TEX9: variants seen among roughly 807,000 people sequenced by gnomAD.
TEX9 encodes the protein testis-expressed protein 9.
In TEX9, 74 loss-of-function variants were observed where a neutral mutation model predicts 59.6. That is an observed-to-expected ratio of 1.24 (90% confidence interval 1.03 to 1.51). The LOEUF (loss-of-function observed/expected upper bound fraction) is 1.51. Ranked by LOEUF, TEX9 falls within the 40% of genes most tolerant of loss-of-function variation. TEX9 has a pLI of 0.00. For synonymous variants in TEX9, 186 were observed against 152.2 expected (o/e 1.22, Z -1.64); for missense variants, 522 against 447.8 (o/e 1.17, Z -1.49).
At chr15:56,450,183 C>T (rs570190447), downstream of TEX9, among the ~76,000 whole-genome samples, 222 of 152,224 alleles carry the variant, frequency 1.5e-3, 2 homozygotes, top group Non-Finnish European at 2.3e-3. Flanking sequence ...AAGACCTACC[C>T]TTGAGGAACA....
intron 1 of TEX9, among the ~76,000 whole-genome samples, chr15:56,349,590 C>T (rs1454522157): frequency 6.6e-6 from 1 of 152,134 alleles, no homozygotes; most frequent in Non-Finnish European, 1.5e-5. Context: ...AGGAAACCCA[C>T]ACCCTGCTAT....
intron 1 of TEX9, among the ~76,000 whole-genome samples, chr15:56,291,548 A>G (rs1369472925): frequency 6.6e-6 from 1 of 152,198 alleles, no homozygotes; most frequent in Non-Finnish European, 1.5e-5. Context: ...TCACATACTT[A>G]TCATTTCTTT....
chr15:56,274,526 C>T (rs2044624191), intron 1 of TEX9: 1 of 152,118 alleles, frequency 6.6e-6, no homozygotes, highest in African/African-American at 2.4e-5. Flanking sequence ...GTCTCTTTCT[C>T]TCTTTTTTAA....
chr15:56,291,198 A>G lies in TEX9; in HGVS notation c.-107+46920A>G, dbSNP rs148170469. Among the ~76,000 whole-genome samples the G allele has an allele frequency of 5.2e-3, 797 of 152,340 alleles. 8 individuals carry two copies. Among genetic ancestry groups the G allele is most frequent in the African/African-American group, 0.018 (752 of 41,574 alleles). On this transcript the variant is annotated intron_variant, in intron 1 of 5. Coordinates refer to the TEX9 transcript ENST00000560827. ...TAGATTGAGACCCTTTTCTAAATAC[A>G]TATGTGAAAGATCTAGGTCAGAGAT...
chr15:56,385,342 C>G (rs549171065), intron 4 of TEX9, among the ~76,000 whole-genome samples: 3 of 152,196 alleles, frequency 2.0e-5, no homozygotes, highest in South Asian at 2.1e-4. Flanking sequence ...AAAAGCCTAT[C>G]AAAATTCAAC....
the TEX9 span, chr15:56,456,402 TCTTA>T: frequency 1.9e-6 from 3 of 1,605,542 alleles, no homozygotes; most frequent in Admixed American, 3.5e-5. Flanking sequence ...ACCTGTTTTC[TCTTA>T]CTTGTTGCCT....
chr15:56,251,609 C>T (rs2044019653), intron 1 of TEX9, among the ~76,000 whole-genome samples: 2 of 151,942 alleles, frequency 1.3e-5, no homozygotes, highest in Admixed American at 6.6e-5. Flanking sequence ...AGAAAGCTAA[C>T]CTCAGAAACC....
intron 10 of TEX9, among the ~76,000 whole-genome samples, chr15:56,417,082 T>C (rs1481161365): frequency 6.6e-6 from 1 of 151,680 alleles, no homozygotes; most frequent in Non-Finnish European, 1.5e-5. Context: ...TTGTGTTTAT[T>C]TGAATCTTCA....
At chr15:56,395,857 A>G (rs1467893430) in intron 9 of TEX9, 1 of 152,126 alleles carries the variant, frequency 6.6e-6, no homozygotes, top group African/African-American at 2.4e-5. Flanking sequence ...TAAGTTCTTT[A>G]TGTGTTTAGA....
chr15:56,458,702 C>G, the TEX9 span, among the ~76,000 whole-genome samples: 11 of 152,102 alleles, frequency 7.2e-5, no homozygotes, highest in Non-Finnish European at 1.6e-4. Flanking sequence ...CGGAATTATA[C>G]AGAATGGAGC....
At chr15:56,310,261 G>A (rs1334621680) in intron 1 of TEX9, among the ~76,000 whole-genome samples, 59 of 152,178 alleles carry the variant, frequency 3.9e-4, no homozygotes, top group African/African-American at 1.4e-3. Context: ...GTGAAACCCC[G>A]TCTCTACTAA....
chr15:56,433,388 T>A (rs2050651830), intron 12 of TEX9, among the ~76,000 whole-genome samples: 1 of 149,236 alleles, frequency 6.7e-6, no homozygotes, highest in South Asian at 2.2e-4. Context: ...GTAACAAACC[T>A]GCATGTTCTG....
At chr15:56,455,717 G>A in the TEX9 span, among the ~76,000 whole-genome samples, 1 of 152,140 alleles carries the variant, frequency 6.6e-6, no homozygotes, top group African/African-American at 2.4e-5. Context: ...GTATCTGGCA[G>A]TCTTTCTTGG....
chr15:56,246,598 C>T (rs1235171635), intron 1 of TEX9, among the ~76,000 whole-genome samples: 1 of 152,132 alleles, frequency 6.6e-6, no homozygotes, highest in Non-Finnish European at 1.5e-5. Flanking sequence ...ATTGTGCAAC[C>T]CTGTACTGAG....
chr15:56,390,094 A>G (rs1238201679), intron 6 of TEX9, among the ~76,000 whole-genome samples: 2 of 150,614 alleles, frequency 1.3e-5, no homozygotes, highest in Non-Finnish European at 3.0e-5. Flanking sequence ...TTTTTTTTTT[A>G]ATAAAAGGGA....
downstream of TEX9, among the ~76,000 whole-genome samples, chr15:56,449,804 C>A (rs906195955): frequency 6.6e-6 from 1 of 152,142 alleles, no homozygotes; most frequent in African/African-American, 2.4e-5. Context: ...AAGAATTTAT[C>A]TATTTCATTT....
intron 1 of TEX9, among the ~76,000 whole-genome samples, chr15:56,300,849 C>G (rs1468215844): frequency 1.3e-5 from 2 of 152,120 alleles, no homozygotes; most frequent in African/African-American, 2.4e-5. Context: ...AGATTCAATT[C>G]CCTTTGAATA....
In TEX9 at chr15:56,278,840, A is replaced by G. The variant is rs1167115038; in HGVS notation, c.-107+34562A>G. 2.0e-5 allele frequency among the ~76,000 whole-genome samples: 3 copies of G among 151,402 alleles called. No individual in the cohort carries two copies. The East Asian group carries it at 5.8e-4, about 29-fold the overall frequency. On this transcript the variant is annotated intron_variant, in intron 1 of 5. Coordinates refer to the TEX9 transcript ENST00000560827. ...CCTCACCCACTCAGTCCGTCCCTCT[A>G]TCTGCATCAAGTTCAGTCCTTAATC...
In TEX9 at chr15:56,391,219, A is replaced by G. The variant is rs199793734; in HGVS notation, c.396-24A>G. On this transcript the variant is annotated intron_variant, in intron 6 of 12. Coordinates refer to ENST00000352903, the Ensembl canonical transcript of TEX9. The stretch of plus-strand genomic sequence containing the variant: ...TTCATATGTACGTATATACATACAT[A>G]TGTATTTAATTTTTATTTTTTAGTG... 2,407 of 1,493,504 alleles carry G rather than the reference A, an allele frequency of 1.6e-3. 3 individuals carry two copies. The highest frequency in any genetic ancestry group is 2.0e-3 in the Non-Finnish European group (2,213 of 1,119,482). The allele number at this position is 1,493,504 out of a possible 1,614,324, so 92.5% of individuals were successfully genotyped here. A position where few individuals can be genotyped will look rare whatever the true frequency, so the allele number is the denominator to read the frequency against.
Sources: gnomAD v4.1 joint callset for allele counts (sites outside exome capture counted in the v4.1 genomes callset) on GRCh38, gnomAD v4.1.1 for gene constraint, MANE v1.5 for transcripts, NCBI Gene and HGNC (gene_info 2026-07-23, HGNC 2026-07-21) for gene names.